Variants in APBB1IP observed in about 807,000 individuals in gnomAD.
APBB1IP encodes the protein amyloid beta precursor protein binding family B member 1 interacting protein, also known as amyloid beta A4 precursor protein-binding family B member 1-interacting protein.
In APBB1IP, 27 loss-of-function variants were observed where a neutral mutation model predicts 64.9. That is an observed-to-expected ratio of 0.42 (90% CI 0.31 to 0.57). The LOEUF is 0.57. Among genes scored for constraint, APBB1IP ranks in the 20% least tolerant of loss-of-function variants. The pLI is 0.20. For synonymous variants in APBB1IP, 392 were observed against 331.0 expected, an observed-to-expected ratio of 1.18 and a Z score of -2.00; for missense variants, 812 against 845.5, an observed-to-expected ratio of 0.96 and a Z score of 0.49.
chr10:26,472,023 G>A (rs563749006), intron 2 of APBB1IP, among the ~76,000 whole-genome samples: 1 of 152,120 alleles, frequency 6.6e-6, no homozygotes, highest in Non-Finnish European at 1.5e-5. Flanking sequence ...GACTTGACTG[G>A]GATTTTTACT....
chr10:26,541,930 G>A (rs753563949), intron 11 of APBB1IP, among the ~76,000 whole-genome samples: 1 of 152,092 alleles, frequency 6.6e-6, no homozygotes, highest in Non-Finnish European at 1.5e-5. Context: ...GAAAATGAAA[G>A]TTCCACATTT....
chr10:26,538,095 T>C (rs1588610616), intron 10 of APBB1IP, among the ~76,000 whole-genome samples: 2 of 152,182 alleles, frequency 1.3e-5, no homozygotes, highest in Non-Finnish European at 1.5e-5. Context: ...TTTTTCACAG[T>C]GTTGTCTATC....
intron 2 of APBB1IP, among the ~76,000 whole-genome samples, chr10:26,479,631 A>G (rs1341203605): frequency 6.6e-6 from 1 of 152,244 alleles, no homozygotes; most frequent in Non-Finnish European, 1.5e-5. Context: ...ACGTAAGTGT[A>G]TATATCTAAA....
intron 2 of APBB1IP, among the ~76,000 whole-genome samples, chr10:26,491,813 G>A (rs1207976842): frequency 1.1e-4 from 16 of 144,328 alleles, no homozygotes; most frequent in African/African-American, 4.1e-4. Context: ...CCAGGCTGGA[G>A]TGCAGTGGCG....
intron 2 of APBB1IP, among the ~76,000 whole-genome samples, chr10:26,470,598 T>C (rs943045260): frequency 2.0e-5 from 3 of 152,336 alleles, no homozygotes; most frequent in East Asian, 3.9e-4. Context: ...TAGGCTAGTG[T>C]AAGTTCTGAA....
chr10:26,542,386 G>A (rs972113237), intron 11 of APBB1IP, among the ~76,000 whole-genome samples: 2 of 152,100 alleles, frequency 1.3e-5, no homozygotes, highest in African/African-American at 4.8e-5. Context: ...AAACTCCTGG[G>A]CTCAGGCAAT....
chr10:26,560,869 A>T, intron 13 of APBB1IP, 25 bp downstream of exon 13: 2 of 1,543,392 alleles, frequency 1.3e-6, no homozygotes, highest in Non-Finnish European at 1.8e-6. Context: ...AGAAATTCCA[A>T]CACATATTCA....
At chr10:26,503,170 A>T (rs752362366) in intron 5 of APBB1IP, 27 bp from the exon 6 acceptor site, 23 of 1,611,086 alleles carry the variant, frequency 1.4e-5, no homozygotes, top group Non-Finnish European at 2.0e-5. Context: ...AATGGACTGT[A>T]TTGAAGAATA....
intron 6 of APBB1IP, among the ~76,000 whole-genome samples, chr10:26,504,313 T>G (rs1836144896): frequency 6.6e-6 from 1 of 152,230 alleles, no homozygotes. Context: ...TCATGCATTT[T>G]TTCAGAGTAT....
At chr10:26,525,789 G>A (rs11814955) in intron 8 of APBB1IP, among the ~76,000 whole-genome samples, 6,622 of 152,290 alleles carry the variant, frequency 0.043, 139 homozygotes, top group South Asian at 0.079. Context: ...ACAGGAAGAA[G>A]TGGGTATTTT....
rs373211324 is a variant in APBB1IP at position 26,496,382 on chromosome 10, G to A, written c.151G>A (p.Asp51Asn). 1 of 1,607,776 alleles carries A rather than the reference G, an allele frequency of 6.2e-7. No individual in the cohort carries two copies. The highest frequency in any genetic ancestry group is 1.3e-5 in the African/African-American group (1 of 74,696). ...ATTTAACTACAGTGTGGGGTTTAAA[G>A]ATTTAAATGGTAAGCATAACAATTT... is the stretch of plus-strand genomic sequence containing the variant. ...AEFNYSVGFK[D>N]LNESLNALED... The change falls in exon 4 of 15, where the codon GAT (aspartate) becomes AAT (asparagine). Residue 51 changes from aspartate to asparagine, a missense_variant. Physicochemically the swap from Asp to Asn is conservative, Grantham distance 23. Transcript: ENST00000376236.
intron 8 of APBB1IP, among the ~76,000 whole-genome samples, chr10:26,523,966 T>C (rs1836438058): frequency 6.6e-6 from 1 of 152,102 alleles, no homozygotes; most frequent in Non-Finnish European, 1.5e-5. Flanking sequence ...TCATTTCTCA[T>C]CTTCAACAGT....
chr10:26,491,276 TAAAAAAAGAA>T (rs1206519788), intron 2 of APBB1IP, among the ~76,000 whole-genome samples: 14 of 150,338 alleles, frequency 9.3e-5, no homozygotes, highest in African/African-American at 3.4e-4. Context: ...AGACTCCATC[TAAAAAAAGAA>T]AAAAAAAGAA....
At position 26,567,802 on chromosome 10, in the gene APBB1IP, A is replaced by T. The variant is rs1043737312; in HGVS notation, c.*314A>T. On this transcript the variant is annotated 3_prime_UTR_variant, in exon 15 of 15. Transcript: ENST00000376236. ...AAATAAAAGTTAAACGTTTTTCCGG[A>T]AGACGGTATTTCTAGAAAGATTATT... 11 of 346,816 alleles carry T rather than the reference A, an allele frequency of 3.2e-5. No homozygotes were observed. The highest frequency in any genetic ancestry group is 5.4e-5 in the Non-Finnish European group (11 of 203,714). The allele number at this position is 346,816 out of a possible 1,614,324, so 21.5% of individuals were successfully genotyped here.
At chr10:26,513,426 G>A (rs1836285519) in intron 7 of APBB1IP, 113 bp from the exon 8 acceptor site, 1 of 1,165,954 alleles carries the variant, frequency 8.6e-7, no homozygotes, top group Non-Finnish European at 1.2e-6. Flanking sequence ...TTATTAATAA[G>A]AATCCCAGGC....
chr10:26,502,910 GCTATAAAGAGTGACTGCCTT>G (rs1211116471), intron 5 of APBB1IP, among the ~76,000 whole-genome samples: 1 of 152,086 alleles, frequency 6.6e-6, no homozygotes, highest in Non-Finnish European at 1.5e-5. Context: ...CCATTCCCAA[GCTATAAAGAGTGACTGCCTT>G]CTATATCTTT....
At chr10:26,509,246 A>G (rs898710139) in intron 6 of APBB1IP, among the ~76,000 whole-genome samples, 5 of 152,214 alleles carry the variant, frequency 3.3e-5, no homozygotes, top group Admixed American at 1.3e-4. Flanking sequence ...AATACAGGGA[A>G]AAAGCAACTA....
chr10:26,547,811 C>G (rs1248799388), intron 11 of APBB1IP, among the ~76,000 whole-genome samples: 1 of 152,156 alleles, frequency 6.6e-6, no homozygotes, highest in Non-Finnish European at 1.5e-5. Flanking sequence ...AAATAGGGGT[C>G]AAGTTACACG....
chr10:26,556,004 A>T (rs1342884070), intron 11 of APBB1IP, among the ~76,000 whole-genome samples: 4 of 152,192 alleles, frequency 2.6e-5, no homozygotes, highest in African/African-American at 9.7e-5. Flanking sequence ...TTGGCCTTGG[A>T]TAAATTGCTC....
Sources: gnomAD v4.1 joint callset for allele counts (sites outside exome capture counted in the v4.1 genomes callset) on GRCh38, gnomAD v4.1.1 for gene constraint, MANE v1.5 for transcripts, NCBI Gene and HGNC (gene_info 2026-07-23, HGNC 2026-07-21) for gene names.